Variants in JPH2 observed in about 807,000 individuals in gnomAD.
The protein encoded by JPH2 is junctophilin-2.
In JPH2, 38 loss-of-function variants were observed where a neutral mutation model predicts 55.9. The observed-to-expected ratio is 0.68, with a 90% CI of 0.52 to 0.89. The LOEUF is 0.89. Among genes scored for constraint, JPH2 ranks in the 40% least tolerant of loss-of-function variants. The probability of loss-of-function intolerance (pLI) is 0.00; values close to 1 mark genes in which losing one functional copy is unlikely to be tolerated. For missense variants in JPH2, 964 were observed against 1,037.6 expected (o/e 0.93, Z 0.97); for synonymous variants, 480 against 472.4 (o/e 1.02, Z -0.21).
At chr20:44,129,573 A>AAAAAAAC (rs2072302119) in intron 2 of JPH2, among the ~76,000 whole-genome samples, 3 of 112,502 alleles carry the variant, frequency 2.7e-5, no homozygotes, top group Non-Finnish European at 3.9e-5. Context: ...AAAAAAACAA[A>AAAAAAAC]AAAAACAAAA....
intron 2 of JPH2, among the ~76,000 whole-genome samples, chr20:44,148,989 C>A (rs1245433629): frequency 1.3e-5 from 2 of 151,888 alleles, no homozygotes; most frequent in Admixed American, 1.3e-4. Flanking sequence ...ATGGCGTGAA[C>A]CTGGTAGGCG....
intron 1 of JPH2, among the ~76,000 whole-genome samples, chr20:44,172,371 T>C (rs2072705079): frequency 6.6e-6 from 1 of 152,218 alleles, no homozygotes; most frequent in Non-Finnish European, 1.5e-5. Flanking sequence ...TTTGTACTAT[T>C]AGTCAGTTTC....
chr20:44,143,909 AAGAG>A (rs1048888137), intron 2 of JPH2, among the ~76,000 whole-genome samples: 12 of 152,164 alleles, frequency 7.9e-5, no homozygotes, highest in South Asian at 4.2e-4. Flanking sequence ...GGTGGTAGTG[AAGAG>A]AGAGAGACAA....
At chr20:44,162,853 G>A (rs1184397913) in intron 1 of JPH2, among the ~76,000 whole-genome samples, 2 of 136,572 alleles carry the variant, frequency 1.5e-5, no homozygotes, top group Non-Finnish European at 3.1e-5. Context: ...TCTAGAGAAC[G>A]CTGATGAATA....
At chr20:44,182,460 C>G (rs1460325671) in intron 1 of JPH2, among the ~76,000 whole-genome samples, 1 of 152,202 alleles carries the variant, frequency 6.6e-6, no homozygotes, top group Non-Finnish European at 1.5e-5. Flanking sequence ...GTCACCTGGC[C>G]TGAAGAGCTC....
chr20:44,135,886 C>A, intron 2 of JPH2, among the ~76,000 whole-genome samples: 1 of 152,168 alleles, frequency 6.6e-6, no homozygotes, highest in East Asian at 1.9e-4. Context: ...GTGATCGTTA[C>A]TCTGTTATAG....
chr20:44,125,276 A>G (rs2072267691), intron 2 of JPH2, among the ~76,000 whole-genome samples: 1 of 152,108 alleles, frequency 6.6e-6, no homozygotes, highest in African/African-American at 2.4e-5. Context: ...ACACCACAAT[A>G]TTTACCATCT....
intron 1 of JPH2, among the ~76,000 whole-genome samples, chr20:44,174,434 G>A (rs751268829): frequency 5.9e-5 from 9 of 152,236 alleles, no homozygotes; most frequent in Admixed American, 3.3e-4. Flanking sequence ...TCCTTATTAC[G>A]TCTACATGTA....
At chr20:44,141,254 T>A (rs772399108) in intron 2 of JPH2, among the ~76,000 whole-genome samples, 2 of 152,186 alleles carry the variant, frequency 1.3e-5, no homozygotes, top group Non-Finnish European at 2.9e-5. Context: ...TCTCTACATC[T>A]GGGGAAGGTC....
intron 4 of JPH2, 146 bp downstream of exon 4, chr20:44,115,519 C>A (rs6103631): frequency 8.7e-7 from 1 of 1,145,406 alleles, no homozygotes; most frequent in African/African-American, 1.5e-5. Flanking sequence ...CCCTAATCCC[C>A]AGCCCTGCAG....
In JPH2 at chr20:44,179,577, C is replaced by T. The variant is rs115068799; in HGVS notation, c.379+6750G>A. ...CATGGGTGCTGGAACCATGCAGTCT[C>T]GTAGGACCCAGCACTCAGAAGGGCC... On this transcript the variant is annotated intron_variant, in intron 1 of 5. Transcript: ENST00000372980. Among the ~76,000 whole-genome samples the T allele has an allele frequency of 3.6e-3, 550 of 152,226 alleles. 9 individuals are homozygous for T. Among genetic ancestry groups the T allele is most frequent in the African/African-American group, 0.013 (538 of 41,544 alleles).
rs76125032 is a variant in JPH2, at chr20:44,178,538, A to G, written c.379+7789T>C. On this transcript the variant is annotated intron_variant, in intron 1 of 5. Transcript: ENST00000372980. ...TCAAACTGATCTATAGATTTAATAC[A>G]GTCTTCATCAAAATCCCAGCAGGCC... Among the ~76,000 whole-genome samples, 9 of 152,354 alleles carry G rather than the reference A, an allele frequency of 5.9e-5. No individual in the cohort carries two copies. The East Asian group carries it at 1.5e-3, about 26-fold the overall frequency.
intron 3 of JPH2, among the ~76,000 whole-genome samples, chr20:44,117,175 A>G (rs2072199192): frequency 6.6e-6 from 1 of 152,302 alleles, no homozygotes; most frequent in South Asian, 2.1e-4. Context: ...GCTACTCAGG[A>G]GGCCGAGGCA....
chr20:44,134,039 TA>T (rs1214687545), intron 2 of JPH2, among the ~76,000 whole-genome samples: 1 of 12,490 alleles, frequency 8.0e-5, no homozygotes, highest in African/African-American at 4.7e-4. Flanking sequence ...AATATATATT[TA>T]TATATAAATA....
intron 2 of JPH2, among the ~76,000 whole-genome samples, chr20:44,123,615 T>A (rs535510937): frequency 6.6e-6 from 1 of 152,332 alleles, no homozygotes; most frequent in South Asian, 2.1e-4. Context: ...GCAGGCGGAA[T>A]GACTGTGGCT....
At chr20:44,117,360 C>T (rs1029625328) in intron 3 of JPH2, among the ~76,000 whole-genome samples, 2 of 152,210 alleles carry the variant, frequency 1.3e-5, no homozygotes, top group Non-Finnish European at 2.9e-5. Context: ...TATCCATGTG[C>T]CAGATCTCTA....
chr20:44,159,790 CG>C lies in JPH2; in HGVS notation c.996del (p.Asp333ThrfsTer175). Reference sequence around the variant, plus strand: ...TACTTGCCCTCCTCGCGGTGGCCGTCGGGCAGCGTGGTGCAGCCATAGCCGT... The same window carrying C: ...TACTTGCCCTCCTCGCGGTGGCCGTCGGCAGCGTGGTGCAGCCATAGCCGT... Reference protein sequence around the residue: ...LRHGYGCTTLPDGHREEGKYR... With the variant: ...LRHGYGCTTLXDGHREEGKYR... On this transcript the variant is annotated frameshift_variant, in exon 2 of 6. Coordinates refer to ENST00000372980, the MANE Select transcript of JPH2 (RefSeq NM_020433.5). LOFTEE classifies it high-confidence loss of function. The surrounding 1 kb of genome is among the most constrained non-coding windows in gnomAD (Gnocchi z 5.7). 6.2e-7 allele frequency: 1 copy of C among 1,613,072 alleles called. No individual in the cohort carries two copies.
At position 44,115,848 on chromosome 20, in the gene JPH2, G is replaced by A. The variant is rs1488096089; in HGVS notation, c.1827C>T (p.Leu609=). The part of the protein sequence containing the change: ...PATAPLQAPT[L]RGPEPARETP... ...TCTCGCGTGCAGGCTCGGGGCCTCG[G>A]AGCGTGGGGGCCTGCAGCGGGGCGG... Residue 609 remains leucine (L), a synonymous_variant, in exon 4 of 6, where the codon CTC becomes CTT. Transcript: ENST00000372980. 9 of 1,593,318 alleles carry A rather than the reference G, an allele frequency of 5.6e-6. No homozygotes were observed. In the South Asian group the frequency reaches 8.8e-5, roughly 16 times the overall value.
At position 44,186,465 on chromosome 20, in the gene JPH2, G is replaced by C; in HGVS notation, c.241C>G (p.Leu81Val). Residue 81 changes from leucine (L) to valine (V), a missense_variant, in exon 1 of 6, where the codon CTC becomes GTC. Transcript: ENST00000372980. ...GLGIETKGRWLYKGEWTHGFK... is the reference protein window; with the variant it reads ...GLGIETKGRWVYKGEWTHGFK... The stretch of plus-strand genomic sequence containing the variant: ...CCATGTGTCCACTCGCCCTTGTAGA[G>C]CCAGCGCCCCTTGGTCTCTATGCCC... 1 of 1,614,050 alleles carries C rather than the reference G, an allele frequency of 6.2e-7. No homozygotes were observed. Among genetic ancestry groups the C allele is most frequent in the South Asian group, 1.1e-5 (1 of 91,080 alleles).
Sources: allele counts gnomAD v4.1 joint callset (sites outside exome capture counted in the v4.1 genomes callset), GRCh38; gene constraint gnomAD v4.1.1; non-coding constraint Gnocchi (gnomAD v3.1); transcripts MANE v1.5; gene names NCBI Gene and HGNC (gene_info 2026-07-23, HGNC 2026-07-21).